Variants in RNF17 observed in about 807,000 individuals in gnomAD.
The protein encoded by RNF17 is ring finger protein 17.
RNF17 carries 31 observed loss-of-function variants against 200.5 expected under a neutral mutation model. The observed-to-expected ratio is 0.15, with a 90% confidence interval of 0.12 to 0.21. The LOEUF is 0.21. Ranked by LOEUF, RNF17 falls within the 10% of genes least tolerant of loss-of-function variation. The probability of loss-of-function intolerance (pLI) is 1.00; values close to 1 mark genes in which losing one functional copy is unlikely to be tolerated. For synonymous variants in RNF17, 606 were observed against 637.8 expected (o/e 0.95, Z 0.75); for missense variants, 1,628 against 1,905.1 (o/e 0.85, Z 2.71).
rs181053905 is a variant in RNF17 at position 24,848,400 on chromosome 13, G to A, written c.3102-1941G>A. Among the ~76,000 whole-genome samples the A allele has an allele frequency of 2.7e-3, 418 of 152,232 alleles. 5 individuals are homozygous for A. The highest frequency in any genetic ancestry group is 9.7e-3 in the African/African-American group (402 of 41,536). ...TTCATGGCCGGACGCGGTGGCCCAC[G>A]CCTGTAAACCCAGCACTTTGGGAGG... On this transcript the variant is annotated intron_variant, in intron 22 of 35. Transcript: ENST00000255324.
intron 10 of RNF17, chr13:24,794,329 TA>T (rs1884267696): frequency 2.6e-6 from 1 of 388,108 alleles, no homozygotes; most frequent in Non-Finnish European, 5.0e-6. Flanking sequence ...AGGTAGTAAG[TA>T]AAGTGAATTT....
intron 1 of RNF17, among the ~76,000 whole-genome samples, chr13:24,766,555 C>T (rs1327955317): frequency 6.6e-6 from 1 of 152,222 alleles, no homozygotes; most frequent in African/African-American, 2.4e-5. Flanking sequence ...ATAATTCTAA[C>T]AGCACGGTCT....
intron 15 of RNF17, among the ~76,000 whole-genome samples, chr13:24,820,100 C>G (rs982894620): frequency 2.1e-5 from 3 of 145,854 alleles, no homozygotes; most frequent in Non-Finnish European, 4.5e-5. Context: ...AAATTTCTTT[C>G]TTGTCTCTTT....
At chr13:24,820,314 G>A (rs1230312875) in intron 15 of RNF17, among the ~76,000 whole-genome samples, 1 of 151,774 alleles carries the variant, frequency 6.6e-6, no homozygotes, top group Middle Eastern at 3.2e-3. Flanking sequence ...TAGAGATGGG[G>A]TTTCACCATG....
intron 18 of RNF17, among the ~76,000 whole-genome samples, chr13:24,839,445 GAAC>G (rs1373172709): frequency 1.3e-5 from 2 of 152,070 alleles, no homozygotes; most frequent in African/African-American, 2.4e-5. Context: ...TAAGCAAAAA[GAAC>G]AAATTTGGAG....
At chr13:24,843,304 G>C (rs1373518079) in intron 19 of RNF17, among the ~76,000 whole-genome samples, 3 of 152,122 alleles carry the variant, frequency 2.0e-5, no homozygotes, top group Non-Finnish European at 4.4e-5. Flanking sequence ...GGATCATGAG[G>C]TCAGGAGTTT....
chr13:24,763,693 A>G (rs1319450540), upstream of RNF17, among the ~76,000 whole-genome samples: 6 of 152,100 alleles, frequency 3.9e-5, no homozygotes, highest in Non-Finnish European at 8.8e-5. Flanking sequence ...ATTAGGCTCA[A>G]CAGCAGTTAG....
At chr13:24,799,731 T>G in intron 12 of RNF17, 147 bp downstream of exon 12, 1 of 595,484 alleles carries the variant, frequency 1.7e-6, no homozygotes, top group Non-Finnish European at 2.9e-6. Flanking sequence ...TTTGCTCTAC[T>G]GTTGTCTTGA....
At chr13:24,884,759 T>A (rs1953962923), downstream of RNF17, among the ~76,000 whole-genome samples, 1 of 152,218 alleles carries the variant, frequency 6.6e-6, no homozygotes, top group African/African-American at 2.4e-5. Context: ...TTGTTCTTTG[T>A]CCTTCTCTCA....
chr13:24,820,379 C>T (rs1457342386), intron 15 of RNF17, among the ~76,000 whole-genome samples: 1 of 151,950 alleles, frequency 6.6e-6, no homozygotes, highest in African/African-American at 2.4e-5. Context: ...GCCTTGGCCT[C>T]CCAAAGTGCT....
intron 15 of RNF17, among the ~76,000 whole-genome samples, chr13:24,809,581 CA>C: frequency 6.6e-6 from 1 of 152,004 alleles, no homozygotes; most frequent in Admixed American, 6.6e-5. Context: ...TTGATCCTTT[CA>C]AAAAACCAGC....
At position 24,845,057 on chromosome 13, in the gene RNF17, G is replaced by A. The variant is rs779010999; in HGVS notation, c.3079G>A (p.Glu1027Lys). The A allele has an allele frequency of 3.8e-6, 6 of 1,558,710 alleles. No individual in the cohort carries two copies. The highest frequency in any genetic ancestry group is 1.7e-5 in the Admixed American group (1 of 59,730). Residue 1027 changes from glutamate to lysine, a missense_variant, in exon 22 of 36, where the codon GAA becomes AAA. Glu to Lys is a moderately conservative substitution (Grantham distance 56). This residue lies in a region of RNF17 where 227 missense variants were observed against 319.8 expected (regional missense o/e 0.71). Transcript: ENST00000255324. ...AAAGACAATGGGAAGACTCTCTTTG[G>A]AATGTTCTCTGGTTGACATAAGGTA... ...NLKTMGRLSL[E>K]CSLVDIRPAG...
At chr13:24,800,243 T>C (rs1158913444) in intron 12 of RNF17, 123 bp from the exon 13 acceptor site, 4 of 628,950 alleles carry the variant, frequency 6.4e-6, no homozygotes, top group Non-Finnish European at 8.1e-6. Flanking sequence ...TAATTTGGAC[T>C]ATAACTTTCT....
At chr13:24,867,727 T>C (rs1893777179) in intron 30 of RNF17, among the ~76,000 whole-genome samples, 1 of 152,252 alleles carries the variant, frequency 6.6e-6, no homozygotes, top group Admixed American at 6.5e-5. Flanking sequence ...CACATTTTTA[T>C]ACACATTTGC....
chr13:24,800,489 A>G lies in RNF17; in HGVS notation c.1713A>G (p.Pro571=), dbSNP rs1885113409. ...AAGGGCTGCTAAAAGACATCCAGCC[A>G]TTAGCACAACCATGCTCATTGAAAG... ...YTEGLLKDIQ[P]LAQPCSLKDI... The change falls in exon 13 of 36, where the codon CCA becomes CCG. Residue 571 remains proline, a synonymous_variant. Coordinates refer to ENST00000255324, the MANE Select transcript of RNF17 (RefSeq NM_031277.3). The G allele has an allele frequency of 6.2e-7, 1 of 1,613,656 alleles. No individual in the cohort carries two copies. The highest frequency in any genetic ancestry group is 8.5e-7 in the Non-Finnish European group (1 of 1,179,756).
chr13:24,782,360 G>T (rs1031719363), intron 6 of RNF17, among the ~76,000 whole-genome samples: 12 of 149,710 alleles, frequency 8.0e-5, no homozygotes, highest in South Asian at 4.2e-4. Context: ...TTTTTTTTTT[G>T]TTGTTGTTGT....
rs1452674641 is a variant in RNF17, at chr13:24,854,045, G to C, written c.3511G>C (p.Gly1171Arg). The C allele has an allele frequency of 6.2e-7, 1 of 1,613,968 alleles. No homozygotes were observed. The stretch of plus-strand genomic sequence containing the variant: ...AATTCTAGAACCAAGAACCACTAGA[G>C]GGTATAAGCCACCAGCTATTCCTAA... ...EKILEPRTTR[G>R]YKPPAIPNMN... The change falls in exon 25 of 36, where the codon GGG (glycine) becomes CGG (arginine). Residue 1171 changes from glycine to arginine, a missense_variant. Physicochemically the swap from Gly to Arg is moderately radical, Grantham distance 125 (BLOSUM62 -2). Transcript: ENST00000255324.
Position 24,774,847 on chromosome 13 carries a change from A to C in RNF17, c.260A>C (p.Tyr87Ser), listed in dbSNP as rs1178296348. ...GCTGTAAATACTAGACAACGCTACT[A>C]CCCAATGGCTGGATATATTAAGGAA... is the stretch of plus-strand genomic sequence containing the variant. Reference protein sequence around the residue: ...ATAVNTRQRYYPMAGYIKEDS... With the variant: ...ATAVNTRQRYSPMAGYIKEDS... The change falls in exon 3 of 36, where the codon TAC (tyrosine) becomes TCC (serine). Residue 87 changes from tyrosine to serine, a missense_variant. Around this residue, in one of 5 missense-constraint regions of RNF17, gnomAD observed 502 missense variants for 501.7 expected, o/e 1.00. Coordinates refer to ENST00000255324, the MANE Select transcript of RNF17 (RefSeq NM_031277.3). 6.2e-7 allele frequency: 1 copy of C among 1,612,888 alleles called. No homozygotes were observed. Among genetic ancestry groups the C allele is most frequent in the Non-Finnish European group, 8.5e-7 (1 of 1,179,046 alleles).
At chr13:24,885,303 CT>C in the RNF17 span, 3 of 1,612,328 alleles carry the variant, frequency 1.9e-6, no homozygotes, top group South Asian at 3.3e-5. Flanking sequence ...TGATTTCTCC[CT>C]GTATGTCTTG....
Sources: gnomAD v4.1 joint callset for allele counts (sites outside exome capture counted in the v4.1 genomes callset) on GRCh38, gnomAD v4.1.1 for gene constraint, gnomAD v4.1.1 regional missense constraint, MANE v1.5 for transcripts, NCBI Gene and HGNC (gene_info 2026-07-23, HGNC 2026-07-21) for gene names.